PTH2R: variants seen among roughly 807,000 people sequenced by gnomAD.
The protein encoded by PTH2R is PTH2 receptor.
Under a neutral mutation model 60.3 loss-of-function variants are expected in PTH2R, and 59 were observed. The observed-to-expected ratio is 0.98, with a 90% confidence interval of 0.79 to 1.22. The LOEUF is 1.22. Among genes scored for constraint, PTH2R ranks in the 50% most tolerant of loss-of-function variants. The pLI is 0.00. For synonymous variants in PTH2R, 256 were observed against 243.8 expected, an observed-to-expected ratio of 1.05 and a Z score of -0.47; for missense variants, 749 against 682.6, an observed-to-expected ratio of 1.10 and a Z score of -1.08.
At chr2:208,468,638 T>C (rs1385689805) in intron 9 of PTH2R, among the ~76,000 whole-genome samples, 1 of 152,212 alleles carries the variant, frequency 6.6e-6, no homozygotes, top group East Asian at 1.9e-4. Flanking sequence ...TGGAATGTGC[T>C]TCCTTCTGTG....
intron 1 of PTH2R, among the ~76,000 whole-genome samples, chr2:208,418,203 CAAA>C (rs1311674135): frequency 6.6e-6 from 1 of 151,406 alleles, no homozygotes; most frequent in African/African-American, 2.4e-5. Context: ...ACCTATATGA[CAAA>C]AAAGAAAGCT....
chr2:208,426,041 G>C (rs1177654682), intron 1 of PTH2R, among the ~76,000 whole-genome samples: 1 of 152,178 alleles, frequency 6.6e-6, no homozygotes, highest in Non-Finnish European at 1.5e-5. Context: ...GGAAGTTCCA[G>C]AATACCTCTT....
chr2:208,492,572 C>G (rs1397570578), intron 12 of PTH2R, among the ~76,000 whole-genome samples: 1 of 152,082 alleles, frequency 6.6e-6, no homozygotes, highest in Admixed American at 6.5e-5. Context: ...GACTGGGAGA[C>G]AAGAGGCCTT....
chr2:208,425,715 T>C (rs1400861008), intron 1 of PTH2R, among the ~76,000 whole-genome samples: 1 of 152,234 alleles, frequency 6.6e-6, no homozygotes, highest in Non-Finnish European at 1.5e-5. Flanking sequence ...CAGCTTGTTC[T>C]GTGGTGTTTT....
intron 9 of PTH2R, chr2:208,470,060 CAAAAT>C (rs1702847223): frequency 6.6e-6 from 1 of 152,122 alleles, no homozygotes; most frequent in Non-Finnish European, 1.5e-5. Flanking sequence ...ACAGCTGAAA[CAAAAT>C]AAAACCAGAG....
rs1372186564 is a variant in PTH2R, at chr2:208,470,442, G to A, written c.981+10481G>A. ...TCCACATGTTGTGGGAGAGATCTGT[G>A]GGAGGTAATTGAATCATAGGGGCAG... On this transcript the variant is annotated intron_variant, in intron 9 of 12. Transcript: ENST00000272847. Among the ~76,000 whole-genome samples the A allele has an allele frequency of 2.1e-4, 32 of 151,382 alleles. 1 individual carries two copies. The highest frequency in any genetic ancestry group is 2.1e-3 in the Admixed American group (32 of 15,276).
intron 4 of PTH2R, among the ~76,000 whole-genome samples, chr2:208,439,860 T>TA (rs995509306): frequency 2.6e-5 from 4 of 152,196 alleles, no homozygotes; most frequent in African/African-American, 9.6e-5. Context: ...TTTGATCTTA[T>TA]AAATTTACTT....
At chr2:208,404,588 T>C (rs1202617608), upstream of PTH2R, among the ~76,000 whole-genome samples, 1 of 152,220 alleles carries the variant, frequency 6.6e-6, no homozygotes, top group African/African-American at 2.4e-5. Context: ...ATTGTCATTA[T>C]CTCATTTAAT....
At chr2:208,428,860 G>A (rs903756591) in intron 2 of PTH2R, among the ~76,000 whole-genome samples, 36 of 152,244 alleles carry the variant, frequency 2.4e-4, no homozygotes, top group Middle Eastern at 3.4e-3. Context: ...CGAGGTGGGC[G>A]GATCACCTGA....
intron 9 of PTH2R, among the ~76,000 whole-genome samples, chr2:208,461,285 T>A (rs996846355): frequency 1.3e-5 from 2 of 152,092 alleles, no homozygotes; most frequent in Non-Finnish European, 2.9e-5. Flanking sequence ...CTACATTAAT[T>A]TAGTGAAAAA....
intron 1 of PTH2R, among the ~76,000 whole-genome samples, chr2:208,391,618 G>A (rs1392793557): frequency 6.6e-6 from 1 of 152,206 alleles, no homozygotes; most frequent in East Asian, 1.9e-4. Flanking sequence ...TTTTTATGAC[G>A]TTATGTAATG....
Position 208,442,452 on chromosome 2 carries a change from G to C in PTH2R, c.500G>C (p.Gly167Ala). The C allele has an allele frequency of 1.2e-6, 2 of 1,603,368 alleles. No homozygotes were observed. Among genetic ancestry groups the C allele is most frequent in the South Asian group, 1.1e-5 (1 of 90,836 alleles). Reference protein sequence around the residue: ...GSLAVAILIIGYFRRLHCTRN... With the variant: ...GSLAVAILIIAYFRRLHCTRN... Reference sequence around the variant, plus strand: ...TTGGCTGTGGCTATTCTCATCATTGGTTACTTCAGGTGAGTGATGCCCATC... The same window carrying C: ...TTGGCTGTGGCTATTCTCATCATTGCTTACTTCAGGTGAGTGATGCCCATC... The change falls in exon 5 of 13, where the codon GGT becomes GCT. Residue 167 changes from glycine (G) to alanine (A), a missense_variant. By Grantham distance (60) the Gly-to-Ala change is moderately conservative. Transcript: ENST00000272847.
At position 208,428,574 on chromosome 2, in the gene PTH2R, G is replaced by T. The variant is rs115753195; in HGVS notation, c.178+271G>T. ...GCCTATCCCTTAGTCCTTTCTTCAG[G>T]GTTTGTCTGCCTGTAGAGAGCATGC... On this transcript the variant is annotated intron_variant, in intron 2 of 12. Coordinates refer to ENST00000272847, the MANE Select transcript of PTH2R (RefSeq NM_005048.4). Among the ~76,000 whole-genome samples, 648 of 152,254 alleles carry T rather than the reference G, an allele frequency of 4.3e-3. 2 individuals are homozygous for T. Among genetic ancestry groups the T allele is most frequent in the African/African-American group, 0.015 (617 of 41,532 alleles).
chr2:208,379,851 C>G (rs937465154), intron 1 of PTH2R, among the ~76,000 whole-genome samples: 1 of 150,248 alleles, frequency 6.7e-6, no homozygotes, highest in African/African-American at 2.5e-5. Context: ...CACAGTGAGA[C>G]TCTGTCTTGA....
chr2:208,447,769 G>A (rs548643833), intron 7 of PTH2R, among the ~76,000 whole-genome samples: 1 of 151,852 alleles, frequency 6.6e-6, no homozygotes, highest in Admixed American at 6.6e-5. Flanking sequence ...GATGCATAGA[G>A]AATAAAGGTG....
At chr2:208,410,119 C>A (rs1701509552) in intron 1 of PTH2R, among the ~76,000 whole-genome samples, 1 of 152,082 alleles carries the variant, frequency 6.6e-6, no homozygotes, top group Non-Finnish European at 1.5e-5. Context: ...GACCTTCCAG[C>A]ATGAAGATTC....
chr2:208,452,448 A>G (rs1314374353), intron 8 of PTH2R, among the ~76,000 whole-genome samples: 5 of 152,212 alleles, frequency 3.3e-5, no homozygotes, highest in African/African-American at 1.2e-4. Context: ...TTGTTATTTC[A>G]TTAGAAAGCC....
chr2:208,443,318 A>C (rs370280015), intron 5 of PTH2R, 30 bp from the exon 6 acceptor site: 2 of 1,480,508 alleles, frequency 1.4e-6, no homozygotes, highest in African/African-American at 2.9e-5. Flanking sequence ...ATTTTATCCA[A>C]ATTTAAATAC....
At chr2:208,364,572 G>C (rs1436815301) in intron 1 of PTH2R, among the ~76,000 whole-genome samples, 2 of 151,860 alleles carry the variant, frequency 1.3e-5, no homozygotes, top group Admixed American at 1.3e-4. Context: ...TCTTTATTCT[G>C]TTCTATTGAT....
Sources: allele counts gnomAD v4.1 joint callset (sites outside exome capture counted in the v4.1 genomes callset), GRCh38; gene constraint gnomAD v4.1.1; transcripts MANE v1.5; gene names NCBI Gene and HGNC (gene_info 2026-07-23, HGNC 2026-07-21).